Variants in DLEC1 observed in about 807,000 individuals in gnomAD.
The protein encoded by DLEC1 is deleted in lung and esophageal cancer protein 1.
A neutral mutation model predicts 198.1 loss-of-function variants in DLEC1; 146 were observed. The ratio of observed to expected loss-of-function variants is 0.74; its 90% CI spans 0.64 to 0.85. The LOEUF (loss-of-function observed/expected upper bound fraction) is 0.85. Ranked by LOEUF, DLEC1 falls within the 40% of genes least tolerant of loss-of-function variation. The pLI, the probability that DLEC1 is intolerant of heterozygous loss-of-function variation, is 0.00. For synonymous variants in DLEC1, 897 were observed against 866.8 expected, an observed-to-expected ratio of 1.03 and a Z score of -0.61; for missense variants, 2,233 against 2,220.0, an observed-to-expected ratio of 1.01 and a Z score of -0.12.
At chr3:38,086,524 A>C in intron 9 of DLEC1, 147 bp downstream of exon 9, 1 of 1,066,068 alleles carries the variant, frequency 9.4e-7, no homozygotes, top group Non-Finnish European at 1.3e-6. Flanking sequence ...CACAACCCGA[A>C]TGAGAATGGA....
chr3:38,103,155 C>T (rs1425120447), intron 19 of DLEC1: 1 of 152,238 alleles, frequency 6.6e-6, no homozygotes, highest in Non-Finnish European at 1.5e-5. Flanking sequence ...CCTCACCCTT[C>T]CGAGTCTCCG....
intron 2 of DLEC1, among the ~76,000 whole-genome samples, chr3:38,057,867 A>G (rs1452103703): frequency 6.9e-6 from 1 of 143,964 alleles, no homozygotes; most frequent in Non-Finnish European, 1.5e-5. Context: ...CCCAGGCTGG[A>G]GTGCAGTGGC....
In DLEC1 at chr3:38,120,522, G is replaced by A; in HGVS notation, c.4779G>A (p.Gly1593=). 6.2e-7 allele frequency: 1 copy of A among 1,614,236 alleles called. No homozygotes were observed. The highest frequency in any genetic ancestry group is 1.1e-5 in the South Asian group (1 of 91,084). The change falls in exon 34 of 37, where the codon GGG becomes GGA. Residue 1593 remains glycine, a synonymous_variant. Transcript: ENST00000308059. ...QKLPADQTLP[G]VDIQQSASGE... is the part of the protein sequence containing the mutation. ...TCCCAGCTGACCAGACACTGCCTGGGGTGGACATTCAGCAGAGTGCGAGTG... is the reference window on the plus strand; with the variant it reads ...TCCCAGCTGACCAGACACTGCCTGGAGTGGACATTCAGCAGAGTGCGAGTG...
intron 19 of DLEC1, among the ~76,000 whole-genome samples, chr3:38,102,193 G>A (rs181627000): frequency 5.3e-5 from 8 of 151,884 alleles, no homozygotes; most frequent in South Asian, 2.1e-4. Flanking sequence ...AGGGCCCTTC[G>A]CACTCTGCCT....
At chr3:38,073,780 T>C (rs777415077) in intron 6 of DLEC1, among the ~76,000 whole-genome samples, 1 of 152,140 alleles carries the variant, frequency 6.6e-6, no homozygotes, top group Non-Finnish European at 1.5e-5. Context: ...GAAACAGGCC[T>C]TTGAAAAGAA....
intron 2 of DLEC1, among the ~76,000 whole-genome samples, chr3:38,051,594 A>C (rs1701121945): frequency 6.6e-6 from 1 of 151,968 alleles, no homozygotes; most frequent in African/African-American, 2.4e-5. Flanking sequence ...GAGTTTAATT[A>C]CTCTGGAGAT....
chr3:38,095,832 C>T (rs1698986088), intron 13 of DLEC1, 56 bp from the exon 14 acceptor site: 1 of 1,608,372 alleles, frequency 6.2e-7, no homozygotes, highest in South Asian at 1.1e-5. Context: ...CAGCCTTCTC[C>T]AGGACAACCT....
chr3:38,088,473 C>A (rs1013130965), intron 10 of DLEC1, 85 bp downstream of exon 10: 4 of 1,290,830 alleles, frequency 3.1e-6, no homozygotes, highest in African/African-American at 2.9e-5. Context: ...AGTGTCCAGT[C>A]CCATCCCATA....
chr3:38,046,529 C>A (rs1700894257), intron 2 of DLEC1, among the ~76,000 whole-genome samples: 1 of 152,190 alleles, frequency 6.6e-6, no homozygotes, highest in African/African-American at 2.4e-5. Context: ...TGAGGCCTCC[C>A]CAGCCATGTG....
rs775771545 is a variant in DLEC1 at position 38,114,441 on chromosome 3, C to G, written c.3766C>G (p.Gln1256Glu). The G allele has an allele frequency of 2.5e-6, 4 of 1,614,224 alleles. No individual in the cohort carries two copies. The highest frequency in any genetic ancestry group is 3.4e-6 in the Non-Finnish European group (4 of 1,180,026). The change falls in exon 26 of 37, where the codon CAG (glutamine) becomes GAG (glutamate). Residue 1256 changes from glutamine to glutamate, a missense_variant. Coordinates refer to ENST00000308059, the MANE Select transcript of DLEC1 (RefSeq NM_007335.4). The stretch of plus-strand genomic sequence containing the variant: ...CACCTCCTACACTATTGACCAGGCC[C>G]AGAAGGAACCAGCCATGAGGTGCTC... ...RTTSYTIDQA[Q>E]KEPAMRFGTQ...
chr3:38,084,506 A>G (rs62240745), intron 7 of DLEC1, among the ~76,000 whole-genome samples: 60 of 738 alleles, frequency 0.081, no homozygotes, highest in Admixed American at 0.16. Flanking sequence ...TAGTAGTGGT[A>G]GTAGTAGTAG....
At chr3:38,109,409 C>T (rs761881420) in intron 21 of DLEC1, 23 bp from the exon 22 acceptor site, 12 of 1,613,916 alleles carry the variant, frequency 7.4e-6, no homozygotes, top group African/African-American at 1.3e-5. Context: ...CCTGGTCTGA[C>T]CCCTGGATGG....
chr3:38,086,267 T>C lies in DLEC1; in HGVS notation c.1462T>C (p.Cys488Arg). The change falls in exon 9 of 37, where the codon TGC (cysteine) becomes CGC (arginine). Residue 488 changes from cysteine to arginine, a missense_variant. Coordinates refer to ENST00000308059, the MANE Select transcript of DLEC1 (RefSeq NM_007335.4). ...GTCACCGGTGTTGGACTGTGGTTACTGCCTCATTGGGGGAGTCAAGATGAC... is the reference window on the plus strand; with the variant it reads ...GTCACCGGTGTTGGACTGTGGTTACCGCCTCATTGGGGGAGTCAAGATGAC... ...TLSPVLDCGY[C>R]LIGGVKMTRF... 6.2e-7 allele frequency: 1 copy of C among 1,612,842 alleles called. No homozygotes were observed. The highest frequency in any genetic ancestry group is 8.5e-7 in the Non-Finnish European group (1 of 1,179,340).
At chr3:38,083,802 T>G (rs927966679) in intron 6 of DLEC1, among the ~76,000 whole-genome samples, 11 of 51,908 alleles carry the variant, frequency 2.1e-4, no homozygotes, top group African/African-American at 8.8e-4. Context: ...ATTTTTTTGT[T>G]TTTTTTTTTG....
intron 6 of DLEC1, among the ~76,000 whole-genome samples, chr3:38,082,409 G>C (rs1005208183): frequency 6.6e-6 from 1 of 151,558 alleles, no homozygotes; most frequent in African/African-American, 2.4e-5. Flanking sequence ...CCGGGCAGAG[G>C]CTGCAATCTC....
intron 9 of DLEC1, among the ~76,000 whole-genome samples, chr3:38,086,705 T>C (rs373971759): frequency 2.7e-3 from 417 of 152,334 alleles, no homozygotes; most frequent in Middle Eastern, 0.017. Flanking sequence ...AGGTTACAAA[T>C]TGGCTGCCCT....
At chr3:38,110,580 G>A (rs1396693911) in intron 23 of DLEC1, among the ~76,000 whole-genome samples, 3 of 152,204 alleles carry the variant, frequency 2.0e-5, no homozygotes, top group Admixed American at 6.5e-5. Flanking sequence ...AGAGGTTACT[G>A]TAGACAGAAG....
At chr3:38,055,755 C>T (rs148609757) in intron 2 of DLEC1, among the ~76,000 whole-genome samples, 2,640 of 152,036 alleles carry the variant, frequency 0.017, 80 homozygotes, top group African/African-American at 0.06. Flanking sequence ...ACTGGGTGAC[C>T]CTGGTTATCT....
At chr3:38,089,370 C>T (rs369224638) in intron 10 of DLEC1, among the ~76,000 whole-genome samples, 2 of 152,336 alleles carry the variant, frequency 1.3e-5, no homozygotes, top group East Asian at 1.9e-4. Context: ...ACTGCCACAG[C>T]GACTCTGCCA....
Sources: allele counts gnomAD v4.1 joint callset (sites outside exome capture counted in the v4.1 genomes callset), GRCh38; gene constraint gnomAD v4.1.1; transcripts MANE v1.5; gene names NCBI Gene and HGNC (gene_info 2026-07-23, HGNC 2026-07-21).